The following SNTG2 variants were observed in gnomAD, a reference collection of about 807,000 sequenced individuals.
SNTG2 encodes gamma-2-syntrophin.
SNTG2 carries 74 observed loss-of-function variants against 70.9 expected under a neutral mutation model. That is an observed-to-expected ratio of 1.04 (90% confidence interval 0.86 to 1.27). The LOEUF is 1.27. SNTG2 is among the 50% of genes most tolerant of loss of function. The pLI is 0.00. For synonymous variants in SNTG2, 278 were observed against 273.8 expected (o/e 1.02, Z -0.15); for missense variants, 717 against 690.7 (o/e 1.04, Z -0.43).
intron 16 of SNTG2, among the ~76,000 whole-genome samples, chr2:1,348,120 A>G (rs537016293): frequency 6.6e-6 from 1 of 152,180 alleles, no homozygotes; most frequent in Non-Finnish European, 1.5e-5. Flanking sequence ...TTCTTCCTTT[A>G]GGTTGACATT....
intron 6 of SNTG2, among the ~76,000 whole-genome samples, chr2:1,156,768 G>C (rs980334736): frequency 6.6e-4 from 100 of 152,202 alleles, no homozygotes; most frequent in African/African-American, 2.2e-3. Context: ...TTTGAGACGT[G>C]GGTGGCTGAG....
chr2:1,106,399 C>T (rs1367203693), intron 4 of SNTG2, among the ~76,000 whole-genome samples: 3 of 120,282 alleles, frequency 2.5e-5, no homozygotes, highest in African/African-American at 3.2e-5. Flanking sequence ...TGCTGTCACT[C>T]GGGTGCAGGG....
intron 6 of SNTG2, among the ~76,000 whole-genome samples, chr2:1,145,205 A>G (rs1431998781): frequency 6.6e-6 from 1 of 152,192 alleles, no homozygotes. Context: ...AAGAGAAGCA[A>G]TTTAAACCCA....
At chr2:961,898 T>G (rs1660362883) in intron 1 of SNTG2, among the ~76,000 whole-genome samples, 1 of 152,196 alleles carries the variant, frequency 6.6e-6, no homozygotes, top group Admixed American at 6.5e-5. Context: ...AACACACTGG[T>G]GTGCACACTT....
In SNTG2 at chr2:1,137,759, T is replaced by A. The variant is rs1668490645; in HGVS notation, c.370-9T>A. ...TATTCTCAACATTCTTACTTTGTCA[T>A]CTGTTCAGGTTAATGGCATACATGT... On this transcript the variant is annotated splice_polypyrimidine_tract_variant and intron_variant, in intron 5 of 16. Transcript: ENST00000308624. 6.2e-7 allele frequency: 1 copy of A among 1,613,876 alleles called. No individual in the cohort carries two copies. Among genetic ancestry groups the A allele is most frequent in the Non-Finnish European group, 8.5e-7 (1 of 1,179,830 alleles).
intron 16 of SNTG2, 86 bp downstream of exon 16, chr2:1,316,461 C>T (rs1203427370): frequency 6.3e-6 from 4 of 635,820 alleles, no homozygotes; most frequent in Non-Finnish European, 1.1e-5. Context: ...ATCTCCACCC[C>T]TCCCATGCAC....
intron 16 of SNTG2, among the ~76,000 whole-genome samples, chr2:1,330,653 C>A (rs1659477193): frequency 6.6e-6 from 1 of 152,184 alleles, no homozygotes; most frequent in South Asian, 2.1e-4. Context: ...GGTTCCACAA[C>A]CTGCTTTTTA....
At chr2:1,184,371 C>T (rs1672117838) in intron 8 of SNTG2, among the ~76,000 whole-genome samples, 6 of 138,376 alleles carry the variant, frequency 4.3e-5, no homozygotes, top group Middle Eastern at 3.6e-3. Flanking sequence ...AAACAATAGA[C>T]TCAGGCAACT....
chr2:1,222,025 C>CTCTG (rs1675099437), intron 9 of SNTG2, among the ~76,000 whole-genome samples: 1 of 25,528 alleles, frequency 3.9e-5, no homozygotes, highest in Admixed American at 5.3e-4. Context: ...CTCTCTGTCT[C>CTCTG]TGCCTATCTC....
chr2:1,271,779 A>C (rs1333436925), intron 14 of SNTG2, among the ~76,000 whole-genome samples: 1 of 152,122 alleles, frequency 6.6e-6, no homozygotes, highest in Non-Finnish European at 1.5e-5. Flanking sequence ...GTGCCAGCCT[A>C]GGTCATGAGC....
At chr2:1,232,195 A>G (rs894489726) in intron 9 of SNTG2, among the ~76,000 whole-genome samples, 1 of 152,178 alleles carries the variant, frequency 6.6e-6, no homozygotes, top group African/African-American at 2.4e-5. Context: ...AAGGGTGAGG[A>G]GGTGCCCTGT....
At chr2:976,214 A>C (rs1660902387) in intron 1 of SNTG2, among the ~76,000 whole-genome samples, 1 of 152,234 alleles carries the variant, frequency 6.6e-6, no homozygotes, top group Non-Finnish European at 1.5e-5. Context: ...TAGAAAAATT[A>C]TGGATCTTTT....
At chr2:1,270,550 A>G (rs769535182) in intron 14 of SNTG2, among the ~76,000 whole-genome samples, 4 of 148,432 alleles carry the variant, frequency 2.7e-5, no homozygotes, top group Non-Finnish European at 6.0e-5. Context: ...AGACTAAACC[A>G]CAATGGCAGG....
chr2:1,310,545 G>A (rs1374590605), intron 15 of SNTG2, among the ~76,000 whole-genome samples: 1 of 152,140 alleles, frequency 6.6e-6, no homozygotes, highest in Non-Finnish European at 1.5e-5. Context: ...AGTGGCCATG[G>A]GGTTCCTTGG....
At chr2:983,043 C>T (rs1239973224) in intron 1 of SNTG2, among the ~76,000 whole-genome samples, 1 of 150,630 alleles carries the variant, frequency 6.6e-6, no homozygotes, top group Non-Finnish European at 1.5e-5. Flanking sequence ...GAAGAAGCTG[C>T]AGAGGTGGTG....
chr2:1,285,408 TA>T (rs1410802564), intron 14 of SNTG2, among the ~76,000 whole-genome samples: 2 of 152,178 alleles, frequency 1.3e-5, no homozygotes, highest in Admixed American at 6.5e-5. Context: ...CTCCTGAGAT[TA>T]TACATAATCT....
intron 8 of SNTG2, among the ~76,000 whole-genome samples, chr2:1,179,425 GACAA>G (rs1289080567): frequency 2.0e-5 from 3 of 152,072 alleles, no homozygotes; most frequent in Non-Finnish European, 4.4e-5. Context: ...ACCAATAACA[GACAA>G]ACAGGGAGCC....
At chr2:1,103,254 A>C (rs1665898746) in intron 4 of SNTG2, among the ~76,000 whole-genome samples, 1 of 152,162 alleles carries the variant, frequency 6.6e-6, no homozygotes, top group African/African-American at 2.4e-5. Flanking sequence ...TATTGTGTTT[A>C]ATGGGAAATT....
chr2:1,019,352 C>A (rs1017390621), intron 1 of SNTG2, among the ~76,000 whole-genome samples: 1 of 152,162 alleles, frequency 6.6e-6, no homozygotes, highest in African/African-American at 2.4e-5. Flanking sequence ...ACTGGCGTTT[C>A]CTGATTCACG....
Sources: gnomAD v4.1 joint callset for allele counts (sites outside exome capture counted in the v4.1 genomes callset) on GRCh38, gnomAD v4.1.1 for gene constraint, MANE v1.5 for transcripts, NCBI Gene and HGNC (gene_info 2026-07-23, HGNC 2026-07-21) for gene names.